Variants in AKAP3 observed in about 807,000 individuals in gnomAD.
AKAP3 encodes A-kinase anchoring protein 3, also known as A-kinase anchor protein 3.
Under a neutral mutation model 57.2 loss-of-function variants are expected in AKAP3, and 27 were observed. The observed-to-expected ratio is 0.47, with a 90% CI of 0.35 to 0.65. AKAP3 has a LOEUF of 0.65. AKAP3 is among the 30% of genes least tolerant of loss of function. The probability of loss-of-function intolerance (pLI) is 0.01; values close to 1 mark genes in which losing one functional copy is unlikely to be tolerated. For synonymous variants in AKAP3, 334 were observed against 392.3 expected, an observed-to-expected ratio of 0.85 and a Z score of 1.76; for missense variants, 959 against 1,040.0, an observed-to-expected ratio of 0.92 and a Z score of 1.07.
intron 3 of AKAP3, among the ~76,000 whole-genome samples, chr12:4,639,902 C>T (rs182115816): frequency 0.021 from 3,177 of 151,272 alleles, 58 homozygotes; most frequent in Non-Finnish European, 0.031. Context: ...CTGCAAGCTC[C>T]GCCTCCTGGG....
chr12:4,628,723 C>T lies in AKAP3; in HGVS notation c.179G>A (p.Arg60Gln), dbSNP rs201140446. 5.0e-6 allele frequency: 8 copies of T among 1,614,154 alleles called. No homozygotes were observed. The highest frequency in any genetic ancestry group is 2.7e-5 in the African/African-American group (2 of 75,050). Reference protein sequence around the residue: ...EKSTAEFQDVRFKPGESFGGE... With the variant: ...EKSTAEFQDVQFKPGESFGGE... ...ACCAAATGATTCTCCGGGTTTGAAC[C>T]GAACATCTTGGAACTCTGCTGTACT... Residue 60 changes from arginine to glutamine, a missense_variant, in exon 5 of 6, where the codon CGG becomes CAG. Arg to Gln is a conservative substitution (Grantham distance 43, BLOSUM62 1). Coordinates refer to ENST00000228850, the MANE Select transcript of AKAP3 (RefSeq NM_001278309.2).
At chr12:4,620,701 C>T (rs79793710) in intron 5 of AKAP3, among the ~76,000 whole-genome samples, 12,643 of 152,038 alleles carry the variant, frequency 0.083, 913 homozygotes, top group East Asian at 0.28. Flanking sequence ...TCATAGTTAT[C>T]GTAACAGAGC....
intron 3 of AKAP3, among the ~76,000 whole-genome samples, chr12:4,638,929 C>T (rs547229225): frequency 6.6e-6 from 1 of 152,344 alleles, no homozygotes; most frequent in African/African-American, 2.4e-5. Context: ...CCACCATTTA[C>T]CTGGTCTTCT....
chr12:4,640,700 C>T (rs948233932), intron 3 of AKAP3, among the ~76,000 whole-genome samples: 1 of 152,194 alleles, frequency 6.6e-6, no homozygotes, highest in African/African-American at 2.4e-5. Flanking sequence ...ACTCAGATTA[C>T]TGAGCTAAGG....
chr12:4,617,873 T>G (rs1453513137), intron 5 of AKAP3, among the ~76,000 whole-genome samples: 1 of 152,146 alleles, frequency 6.6e-6, no homozygotes, highest in South Asian at 2.1e-4. Flanking sequence ...TAAAGGAACC[T>G]TATATGGTAG....
intron 1 of AKAP3, 132 bp from the exon 2 acceptor site, chr12:4,645,324 T>C (rs1945685913): frequency 6.6e-6 from 1 of 152,244 alleles, no homozygotes; most frequent in Non-Finnish European, 1.5e-5. Context: ...GGCTGATGTT[T>C]AGTTTAGAAG....
At chr12:4,634,745 AAC>A (rs3083731) in intron 4 of AKAP3, among the ~76,000 whole-genome samples, 34,074 of 64,864 alleles carry the variant, frequency 0.53, 4,507 homozygotes, top group East Asian at 0.6. Flanking sequence ...ATTAAAAAAA[AAC>A]ACACACACAC....
intron 4 of AKAP3, among the ~76,000 whole-genome samples, chr12:4,632,080 C>T (rs1945504475): frequency 6.6e-6 from 1 of 152,202 alleles, no homozygotes; most frequent in South Asian, 2.1e-4. Flanking sequence ...CTTTATATAA[C>T]TGAAAACACT....
chr12:4,637,358 A>G (rs769759737), intron 4 of AKAP3, among the ~76,000 whole-genome samples: 19 of 152,228 alleles, frequency 1.2e-4, no homozygotes, highest in Non-Finnish European at 2.1e-4. Flanking sequence ...TATGGCAGCC[A>G]CATTCTCTCC....
chr12:4,647,486 A>G (rs897901062), intron 1 of AKAP3, among the ~76,000 whole-genome samples: 46 of 152,064 alleles, frequency 3.0e-4, no homozygotes, highest in African/African-American at 1.1e-3. Context: ...AAGCCTGGGC[A>G]ATACAGTAAG....
intron 4 of AKAP3, chr12:4,635,263 G>T: frequency 3.2e-6 from 1 of 311,352 alleles, no homozygotes; most frequent in Non-Finnish European, 6.2e-6. Context: ...AGTCATACTG[G>T]GCTGGTTAAA....
chr12:4,637,964 A>G, intron 4 of AKAP3, 137 bp downstream of exon 4: 2 of 769,656 alleles, frequency 2.6e-6, no homozygotes, highest in South Asian at 3.2e-5. Context: ...TTGTTCTATA[A>G]GGGCTGATTT....
chr12:4,616,799 C>T (rs1945290500), intron 5 of AKAP3, among the ~76,000 whole-genome samples: 1 of 152,060 alleles, frequency 6.6e-6, no homozygotes, highest in Non-Finnish European at 1.5e-5. Flanking sequence ...TTTCAAAAAA[C>T]ATTTAAAAAA....
rs1276410573 is a variant in AKAP3, at chr12:4,648,882, G to T, written c.-382C>A. 6 of 514,438 alleles carry T rather than the reference G, an allele frequency of 1.2e-5. No individual in the cohort carries two copies. The highest frequency in any genetic ancestry group is 9.9e-5 in the East Asian group (3 of 30,236). The allele number at this position is 514,438 out of a possible 1,614,324, so 31.9% of individuals were successfully genotyped here. ...TTAACTCTGAACTTCAGGTTCCTCG[G>T]CAATTAGAGATTATAAATAGCCTAT... On this transcript the variant is annotated 5_prime_UTR_variant, in exon 1 of 6. Transcript: ENST00000228850.
intron 5 of AKAP3, among the ~76,000 whole-genome samples, chr12:4,616,767 C>G (rs2137421959): frequency 6.6e-6 from 1 of 152,212 alleles, no homozygotes; most frequent in South Asian, 2.1e-4. Context: ...TGCTGAACAA[C>G]ATATGAAATT....
chr12:4,625,557 C>T lies in AKAP3; in HGVS notation c.2406+939G>A, dbSNP rs980548718. ...GAGAAAGCCTGTTTTTCCTTATCTT[C>T]TGATTCCTATGATGATGAAATTTTC... On this transcript the variant is annotated intron_variant, in intron 5 of 5. Coordinates refer to ENST00000228850, the MANE Select transcript of AKAP3 (RefSeq NM_001278309.2). This position sits in a 1 kb window ranked among gnomAD's most constrained non-coding sequence, Gnocchi z 5.4. 1.2e-4 allele frequency among the ~76,000 whole-genome samples: 18 copies of T among 152,292 alleles called. No individual in the cohort carries two copies. The Middle Eastern group carries it at 0.01, about 86-fold the overall frequency.
At chr12:4,646,351 C>T (rs7312402) in intron 1 of AKAP3, among the ~76,000 whole-genome samples, 46,100 of 151,586 alleles carry the variant, frequency 0.3, 7,275 homozygotes, top group Middle Eastern at 0.4. Context: ...TCAAAAGCGG[C>T]TGGTTTATCA....
At chr12:4,640,201 A>C (rs552043899) in intron 3 of AKAP3, among the ~76,000 whole-genome samples, 3 of 152,108 alleles carry the variant, frequency 2.0e-5, no homozygotes, top group East Asian at 3.9e-4. Context: ...AACAAAAAAA[A>C]CTCTGCTCAG....
At chr12:4,629,950 G>A (rs181293952) in intron 4 of AKAP3, among the ~76,000 whole-genome samples, 108 of 152,270 alleles carry the variant, frequency 7.1e-4, no homozygotes, top group African/African-American at 2.3e-3. Context: ...TTTGATGGAC[G>A]CTAGCTGTGA....
Sources: allele counts gnomAD v4.1 joint callset (sites outside exome capture counted in the v4.1 genomes callset), GRCh38; gene constraint gnomAD v4.1.1; non-coding constraint Gnocchi (gnomAD v3.1); transcripts MANE v1.5; gene names NCBI Gene and HGNC (gene_info 2026-07-23, HGNC 2026-07-21).